The following NUP37 variants were observed in gnomAD, a reference collection of about 807,000 sequenced individuals.
NUP37 encodes nucleoporin 37, also known as nucleoporin Nup37.
A neutral mutation model predicts 45.4 loss-of-function variants in NUP37; 33 were observed. The observed-to-expected ratio is 0.73, with a 90% CI of 0.55 to 0.97. The LOEUF is 0.97. Among genes scored for constraint, NUP37 ranks in the 50% least tolerant of loss-of-function variants. NUP37 has a pLI of 0.00. For missense variants in NUP37, 365 were observed against 389.7 expected, an observed-to-expected ratio of 0.94 and a Z score of 0.53; for synonymous variants, 127 against 130.7, an observed-to-expected ratio of 0.97 and a Z score of 0.19.
In NUP37 at chr12:102,110,137, T is replaced by C. The variant is rs541882862; in HGVS notation, c.281+1971A>G. 1.5e-4 allele frequency among the ~76,000 whole-genome samples: 23 copies of C among 152,198 alleles called. No homozygotes were observed. The East Asian group carries it at 1.7e-3, about 12-fold the overall frequency. ...AGATTTCTAATAGAAGAAACAAATA[T>C]ACCAAAAAAGCGTCAGCATTATCAC... On this transcript the variant is annotated intron_variant, in intron 3 of 9. Transcript: ENST00000552283.
At chr12:102,091,967 G>A (rs1313711131) in intron 5 of NUP37, among the ~76,000 whole-genome samples, 1 of 152,072 alleles carries the variant, frequency 6.6e-6, no homozygotes, top group East Asian at 1.9e-4. Context: ...GTATTTAAAT[G>A]TTATTGTCCC....
chr12:102,102,050 T>C (rs1161200497), intron 3 of NUP37, among the ~76,000 whole-genome samples: 1 of 152,198 alleles, frequency 6.6e-6, no homozygotes, highest in African/African-American at 2.4e-5. Flanking sequence ...AACTAGTTTA[T>C]CTTTAATCCT....
chr12:102,098,553 A>G (rs1879879688), intron 5 of NUP37, among the ~76,000 whole-genome samples: 1 of 148,988 alleles, frequency 6.7e-6, no homozygotes, highest in African/African-American at 2.5e-5. Context: ...TTTTTTTGAG[A>G]TGGAGTGTCG....
chr12:102,085,833 T>C lies in NUP37; in HGVS notation c.473A>G (p.Gln158Arg). 1 of 1,593,332 alleles carries C rather than the reference T, an allele frequency of 6.3e-7. No individual in the cohort carries two copies. The highest frequency in any genetic ancestry group is 8.6e-7 in the Non-Finnish European group (1 of 1,162,764). Residue 158 changes from glutamine (Q) to arginine (R), a missense_variant, in exon 6 of 10, where the codon CAA (glutamine) becomes CGA (arginine). Coordinates refer to ENST00000552283, the MANE Select transcript of NUP37 (RefSeq NM_024057.4). The stretch of plus-strand genomic sequence containing the variant: ...AGAATGAAGAACAAAATGAGCTGTT[T>C]GCACTCCTTCCAAGTTCCAAATCCT... ...TCRIWNLEGV[Q>R]TAHFVLHSPG...
In NUP37 at chr12:102,118,449, A is replaced by C. The variant is rs369774741; in HGVS notation, c.70T>G (p.Phe24Val). The C allele has an allele frequency of 3.7e-6, 6 of 1,613,936 alleles. No individual in the cohort carries two copies. Among genetic ancestry groups the C allele is most frequent in the Non-Finnish European group, 5.1e-6 (6 of 1,179,972 alleles). ...GAATCCCCATTCTCAAAGGGATTAAATTCTACCACATGCACATAATCTTCA... is the reference window on the plus strand; with the variant it reads ...GAATCCCCATTCTCAAAGGGATTAACTTCTACCACATGCACATAATCTTCA... ...DCEDYVHVVE[F>V]NPFENGDSGN... Residue 24 changes from phenylalanine (F) to valine (V), a missense_variant, in exon 2 of 10, where the codon TTT (phenylalanine) becomes GTT (valine). By Grantham distance (50) the Phe-to-Val change is conservative (BLOSUM62 -1). Coordinates refer to ENST00000552283, the MANE Select transcript of NUP37 (RefSeq NM_024057.4).
intron 2 of NUP37, among the ~76,000 whole-genome samples, chr12:102,114,027 C>T (rs1479740487): frequency 6.6e-6 from 1 of 152,126 alleles, no homozygotes; most frequent in Non-Finnish European, 1.5e-5. Context: ...GAAAGAAATA[C>T]ACTTATCAAG....
intron 3 of NUP37, among the ~76,000 whole-genome samples, chr12:102,107,955 T>C (rs1209291268): frequency 6.6e-6 from 1 of 152,222 alleles, no homozygotes; most frequent in Non-Finnish European, 1.5e-5. Flanking sequence ...CAAGTGTTAG[T>C]AATGTCCTAT....
chr12:102,075,952 T>TG (rs1289787001), intron 8 of NUP37, among the ~76,000 whole-genome samples: 1 of 152,120 alleles, frequency 6.6e-6, no homozygotes. Context: ...AGCCATCTTG[T>TG]AACTATGAAG....
At chr12:102,083,065 G>GA (rs1879372894) in intron 6 of NUP37, among the ~76,000 whole-genome samples, 1 of 151,980 alleles carries the variant, frequency 6.6e-6, no homozygotes, top group Non-Finnish European at 1.5e-5. Context: ...TGATATGTAG[G>GA]AGAAAAAACA....
intron 5 of NUP37, among the ~76,000 whole-genome samples, chr12:102,086,609 G>A (rs117012086): frequency 0.011 from 1,642 of 152,302 alleles, 17 homozygotes; most frequent in Non-Finnish European, 0.016. Flanking sequence ...TGCAGAGGGA[G>A]AGCAAGACTC....
At chr12:102,083,716 T>G (rs910783233) in intron 6 of NUP37, among the ~76,000 whole-genome samples, 4 of 152,304 alleles carry the variant, frequency 2.6e-5, no homozygotes, top group Admixed American at 2.6e-4. Context: ...GAAAGAAAAG[T>G]TGGCAGAGTA....
chr12:102,097,551 CAG>C lies in NUP37; in HGVS notation c.449+1553_449+1554del, dbSNP rs548475005. ...TTTTGCTAGTTTACAAAAAAAATCTCAGAGTCATAAGAAAACAAACAAACAAA... is the reference window on the plus strand; with the variant it reads ...TTTTGCTAGTTTACAAAAAAAATCTCAGTCATAAGAAAACAAACAAACAAA... On this transcript the variant is annotated intron_variant, in intron 5 of 9. Transcript: ENST00000552283. Among the ~76,000 whole-genome samples, 78 of 149,774 alleles carry C rather than the reference CAG, an allele frequency of 5.2e-4. No individual in the cohort carries two copies. In the East Asian group the frequency reaches 9.3e-3, roughly 18 times the overall value.
At chr12:102,108,374 C>A (rs531682031) in intron 3 of NUP37, among the ~76,000 whole-genome samples, 2 of 152,154 alleles carry the variant, frequency 1.3e-5, no homozygotes, top group African/African-American at 4.8e-5. Context: ...AGGCTTACAC[C>A]AGTGGTTTGT....
intron 6 of NUP37, among the ~76,000 whole-genome samples, chr12:102,081,328 TGATAAG>T (rs1415548569): frequency 6.6e-6 from 1 of 152,196 alleles, no homozygotes; most frequent in Non-Finnish European, 1.5e-5. Flanking sequence ...TTTTTTTGGG[TGATAAG>T]AACAGATAGG....
chr12:102,098,615 T>G (rs1401958200), intron 5 of NUP37, among the ~76,000 whole-genome samples: 1 of 151,508 alleles, frequency 6.6e-6, no homozygotes, highest in African/African-American at 2.4e-5. Flanking sequence ...CACTGCAACC[T>G]CAGCCTCCCA....
chr12:102,084,093 T>C (rs1174483620), intron 6 of NUP37, among the ~76,000 whole-genome samples: 3 of 152,210 alleles, frequency 2.0e-5, no homozygotes. Flanking sequence ...CTGGGAGGCA[T>C]ATGTTCAAAT....
chr12:102,075,778 T>G (rs1207863177), intron 8 of NUP37, among the ~76,000 whole-genome samples: 1 of 152,170 alleles, frequency 6.6e-6, no homozygotes, highest in South Asian at 2.1e-4. Flanking sequence ...CTAACTTTGT[T>G]CAGGGCACAG....
intron 5 of NUP37, among the ~76,000 whole-genome samples, chr12:102,091,765 C>T (rs1160484212): frequency 6.6e-6 from 1 of 152,156 alleles, no homozygotes; most frequent in Non-Finnish European, 1.5e-5. Flanking sequence ...TTATAATTAA[C>T]ATCCCCATCT....
At chr12:102,116,705 T>C (rs948383226) in intron 2 of NUP37, among the ~76,000 whole-genome samples, 2 of 152,230 alleles carry the variant, frequency 1.3e-5, no homozygotes, top group African/African-American at 2.4e-5. Context: ...GTCAGAATAC[T>C]GTAAGATACA....
Sources: gnomAD v4.1 joint callset for allele counts (sites outside exome capture counted in the v4.1 genomes callset) on GRCh38, gnomAD v4.1.1 for gene constraint, MANE v1.5 for transcripts, NCBI Gene and HGNC (gene_info 2026-07-23, HGNC 2026-07-21) for gene names.